Variants in LPA observed in about 807,000 individuals in gnomAD.
The protein encoded by LPA is apolipoprotein(a).
In LPA, 199 loss-of-function variants were observed where a neutral mutation model predicts 197.9. That is an observed-to-expected ratio of 1.01 (90% CI 0.90 to 1.13). The LOEUF is 1.13. LPA is among the 50% of genes most tolerant of loss of function. The probability of loss-of-function intolerance (pLI) is 0.00; values close to 1 mark genes in which losing one functional copy is unlikely to be tolerated. For synonymous variants in LPA, 715 were observed against 639.5 expected, an observed-to-expected ratio of 1.12 and a Z score of -1.78; for missense variants, 1,853 against 1,785.8, an observed-to-expected ratio of 1.04 and a Z score of -0.68.
At chr6:160,595,036 C>A (rs1434734608) in intron 21 of LPA, among the ~76,000 whole-genome samples, 1 of 152,180 alleles carries the variant, frequency 6.6e-6, no homozygotes, top group Non-Finnish European at 1.5e-5. Flanking sequence ...GGTAAATCTT[C>A]ACAAATTTGG....
intron 1 of LPA, among the ~76,000 whole-genome samples, chr6:160,658,295 A>G (rs1780164680): frequency 6.6e-6 from 1 of 152,196 alleles, no homozygotes; most frequent in African/African-American, 2.4e-5. Context: ...TCACTTTAAC[A>G]GTAAACACCT....
chr6:160,540,293 G>C, intron 35 of LPA, 110 bp from the exon 36 acceptor site: 1 of 1,250,016 alleles, frequency 8.0e-7, no homozygotes, highest in Admixed American at 1.7e-5. Flanking sequence ...CCCAGAATCA[G>C]TGACTTATGA....
chr6:160,589,706 G>T lies in LPA; in HGVS notation c.3794C>A (p.Thr1265Lys), dbSNP rs752058838. 3 of 1,613,786 alleles carry T rather than the reference G, an allele frequency of 1.9e-6. No individual in the cohort carries two copies. Among genetic ancestry groups the T allele is most frequent in the South Asian group, 2.2e-5 (2 of 91,082 alleles). The stretch of plus-strand genomic sequence containing the variant: ...GTCCTGGACTGTGGGGCTTTGCTCC[G>T]TTGGTGCTGAAATTCAAAGAGGAGA... ...TSTAVSEQAP[T>K]EQSPTVQDCY... The change falls in exon 24 of 39, where the codon ACG becomes AAG. Residue 1265 changes from threonine to lysine, a missense_variant. By Grantham distance (78) the Thr-to-Lys change is moderately conservative. This residue lies in a region of LPA where 1,737 missense variants were observed against 1,504.4 expected (regional missense o/e 1.15). Transcript: ENST00000316300.
intron 10 of LPA, among the ~76,000 whole-genome samples, chr6:160,626,369 G>C (rs1582889883): frequency 7.9e-6 from 1 of 126,048 alleles, no homozygotes; most frequent in Admixed American, 7.7e-5. Flanking sequence ...ATATTTCACT[G>C]TTTCTTCAGG....
At chr6:160,656,423 A>G (rs1562355980) in intron 1 of LPA, among the ~76,000 whole-genome samples, 2 of 152,170 alleles carry the variant, frequency 1.3e-5, no homozygotes, top group East Asian at 3.9e-4. Context: ...CACTGGGAAA[A>G]TGACCAGAGG....
At chr6:160,620,625 G>A (rs879319623) in intron 12 of LPA, among the ~76,000 whole-genome samples, 186 of 92,488 alleles carry the variant, frequency 2.0e-3, no homozygotes, top group East Asian at 7.4e-3. Flanking sequence ...AATTCCCTAT[G>A]TGATCCCTTG....
chr6:160,604,110 G>A (rs74536224), intron 18 of LPA, among the ~76,000 whole-genome samples: 1,909 of 152,264 alleles, frequency 0.013, 30 homozygotes, highest in African/African-American at 0.043. Flanking sequence ...AGACTACTAT[G>A]CGTGCCCCTG....
chr6:160,548,591 G>A lies in LPA; in HGVS notation c.5042C>T (p.Pro1681Leu). Residue 1681 changes from proline to leucine, a missense_variant, in exon 31 of 39, where the codon CCC becomes CTC. Coordinates refer to ENST00000316300, the MANE Select transcript of LPA (RefSeq NM_005577.4). ...GTTGCAGTACTCCCACCTGATGCTG[G>A]GGTCCATGGTAAAACACCAAGGGCC... ...DTGPWCFTMD[P>L]SIRWEYCNLT... 1 of 1,614,042 alleles carries A rather than the reference G, an allele frequency of 6.2e-7. No individual in the cohort carries two copies.
At chr6:160,594,189 T>G (rs1268377594) in intron 21 of LPA, 72 bp from the exon 22 acceptor site, 13 of 1,563,920 alleles carry the variant, frequency 8.3e-6, no homozygotes, top group Non-Finnish European at 1.1e-5. Context: ...AATCTGTGAC[T>G]GAAACAGGAT....
At chr6:160,595,251 C>T in intron 21 of LPA, 103 bp downstream of exon 21, 1 of 1,432,098 alleles carries the variant, frequency 7.0e-7, no homozygotes, top group East Asian at 2.3e-5. Flanking sequence ...CCACATTCTA[C>T]TTGGAATTGT....
intron 2 of LPA, among the ~76,000 whole-genome samples, chr6:160,649,162 C>T (rs1454915442): frequency 6.6e-6 from 1 of 152,146 alleles, no homozygotes; most frequent in Non-Finnish European, 1.5e-5. Context: ...ACTAATTCTA[C>T]TCCTAAAGTA....
intron 2 of LPA, among the ~76,000 whole-genome samples, chr6:160,649,660 T>C (rs1026703925): frequency 2.6e-5 from 4 of 152,200 alleles, no homozygotes; most frequent in Non-Finnish European, 5.9e-5. Flanking sequence ...CCATCTATTG[T>C]CCAACAAGCG....
At chr6:160,561,402 C>A (rs965776143) in intron 28 of LPA, among the ~76,000 whole-genome samples, 2 of 152,116 alleles carry the variant, frequency 1.3e-5, no homozygotes, top group Admixed American at 1.3e-4. Flanking sequence ...TTTCTGAGGC[C>A]TCTGTTCTGT....
intron 7 of LPA, 134 bp downstream of exon 7, chr6:160,634,989 T>G: frequency 6.6e-7 from 1 of 1,504,450 alleles, no homozygotes; most frequent in East Asian, 2.3e-5. Flanking sequence ...ACACGGAGGC[T>G]TCCCCCAACA....
intron 18 of LPA, among the ~76,000 whole-genome samples, chr6:160,603,125 C>T (rs1360935477): frequency 2.0e-5 from 3 of 150,560 alleles, no homozygotes; most frequent in African/African-American, 7.3e-5. Context: ...CTGTAGCAAT[C>T]TCTCCTTCCT....
At chr6:160,561,552 A>C (rs1285807639) in intron 28 of LPA, among the ~76,000 whole-genome samples, 2 of 152,178 alleles carry the variant, frequency 1.3e-5, no homozygotes, top group East Asian at 3.8e-4. Flanking sequence ...TTGGATATAC[A>C]GGCCCTTTTT....
chr6:160,533,164 G>A (rs1242869320), intron 37 of LPA, among the ~76,000 whole-genome samples: 1 of 152,172 alleles, frequency 6.6e-6, no homozygotes, highest in African/African-American at 2.4e-5. Flanking sequence ...CTTTGGGGAT[G>A]AGAAAAATGT....
At chr6:160,655,462 C>T (rs1780116476) in intron 1 of LPA, among the ~76,000 whole-genome samples, 1 of 152,208 alleles carries the variant, frequency 6.6e-6, no homozygotes, top group African/African-American at 2.4e-5. Flanking sequence ...TTGTTCTAGA[C>T]TGCACTTAAA....
chr6:160,549,587 A>C (rs1010049057), intron 30 of LPA, among the ~76,000 whole-genome samples: 1 of 152,210 alleles, frequency 6.6e-6, no homozygotes, highest in Admixed American at 6.5e-5. Context: ...TCGTGTAGCT[A>C]AAAGGCTCTG....
Sources: gnomAD v4.1 joint callset for allele counts (sites outside exome capture counted in the v4.1 genomes callset) on GRCh38, gnomAD v4.1.1 for gene constraint, gnomAD v4.1.1 regional missense constraint, MANE v1.5 for transcripts, NCBI Gene and HGNC (gene_info 2026-07-23, HGNC 2026-07-21) for gene names.